BLNK: variants seen among roughly 807,000 people sequenced by gnomAD.
BLNK encodes the protein B-cell linker protein.
Under a neutral mutation model 73.5 loss-of-function variants are expected in BLNK, and 29 were observed. The ratio of observed to expected loss-of-function variants is 0.39; its 90% confidence interval spans 0.29 to 0.54. The LOEUF is 0.54. BLNK is among the 20% of genes least tolerant of loss of function. The pLI, the probability that BLNK is intolerant of heterozygous loss-of-function variation, is 0.61. For missense variants in BLNK, 460 were observed against 562.8 expected (o/e 0.82, Z 1.85); for synonymous variants, 176 against 200.8 (o/e 0.88, Z 1.04).
chr10:96,215,525 C>G (rs2084045681), intron 7 of BLNK, 136 bp from the exon 8 acceptor site: 2 of 688,718 alleles, frequency 2.9e-6, no homozygotes, highest in African/African-American at 1.8e-5. Context: ...ATGGGAGACA[C>G]CCTTATTAGA....
chr10:96,242,593 T>C, intron 3 of BLNK, 142 bp downstream of exon 3: 1 of 852,694 alleles, frequency 1.2e-6, no homozygotes, highest in South Asian at 1.4e-5. Context: ...AAATGCCTAA[T>C]AGATTTAGTC....
intron 8 of BLNK, among the ~76,000 whole-genome samples, chr10:96,213,048 G>T (rs1017594302): frequency 6.6e-6 from 1 of 152,140 alleles, no homozygotes; most frequent in Non-Finnish European, 1.5e-5. Context: ...GCTATACCAG[G>T]TTAATAGCAA....
chr10:96,191,934 A>G lies in BLNK; in HGVS notation c.*39T>C, dbSNP rs1554893520. On this transcript the variant is annotated 3_prime_UTR_variant, in exon 17 of 17. Transcript: ENST00000224337. ...TTCTCAAAAGGAGAAACTTTGGGAA[A>G]GTGTCTGAAGCAATGGTATTGATCT... 1.9e-6 allele frequency: 3 copies of G among 1,612,458 alleles called. No individual in the cohort carries two copies. In the South Asian group the frequency reaches 3.3e-5, roughly 18 times the overall value.
chr10:96,229,453 A>G (rs1842410431), intron 4 of BLNK, among the ~76,000 whole-genome samples: 2 of 152,296 alleles, frequency 1.3e-5, no homozygotes. Context: ...CTGTGAGTGA[A>G]TGCTTACTCA....
At position 96,189,692 on chromosome 10, in the gene BLNK, C is replaced by T. The variant is rs1300861873; in HGVS notation, c.*2281G>A. On this transcript the variant is annotated 3_prime_UTR_variant, in exon 17 of 17. Transcript: ENST00000224337. ...GGTGCTTTTTCTTCAGTTTCCTCATCATCAAAATCATCATCATCATCATCA... is the reference window on the plus strand; with the variant it reads ...GGTGCTTTTTCTTCAGTTTCCTCATTATCAAAATCATCATCATCATCATCA... 8.5e-6 allele frequency: 6 copies of T among 703,298 alleles called. No homozygotes were observed. The highest frequency in any genetic ancestry group is 2.7e-5 in the East Asian group (1 of 37,410). The allele number at this position is 703,298 out of a possible 1,614,324, so 43.6% of individuals were successfully genotyped here. A position where few individuals can be genotyped will look rare whatever the true frequency, so the allele number is the denominator to read the frequency against.
At chr10:96,260,102 C>T (rs1034799422) in intron 1 of BLNK, among the ~76,000 whole-genome samples, 2 of 152,158 alleles carry the variant, frequency 1.3e-5, no homozygotes, top group Non-Finnish European at 2.9e-5. Flanking sequence ...GGACTCTGCT[C>T]TCACCACCCA....
chr10:96,204,764 A>T, intron 11 of BLNK, 148 bp from the exon 12 acceptor site: 1 of 715,618 alleles, frequency 1.4e-6, no homozygotes, highest in African/African-American at 1.7e-5. Context: ...GGATCTGTGC[A>T]CTTGCCAGTC....
At chr10:96,217,601 A>G (rs1295370184) in intron 6 of BLNK, among the ~76,000 whole-genome samples, 1 of 152,038 alleles carries the variant, frequency 6.6e-6, no homozygotes, top group Non-Finnish European at 1.5e-5. Context: ...CAATTTTTGT[A>G]TATTCTTTGG....
At chr10:96,236,569 C>T (rs1195593781) in intron 3 of BLNK, among the ~76,000 whole-genome samples, 1 of 152,196 alleles carries the variant, frequency 6.6e-6, no homozygotes, top group African/African-American at 2.4e-5. Context: ...CACCTGTAAT[C>T]CCAGCACTTT....
At chr10:96,239,358 A>G (rs1276648188) in intron 3 of BLNK, among the ~76,000 whole-genome samples, 1 of 152,234 alleles carries the variant, frequency 6.6e-6, no homozygotes, top group Non-Finnish European at 1.5e-5. Context: ...CCTGCATAAT[A>G]TAGATGAGGA....
chr10:96,209,421 G>A (rs2083897054), intron 9 of BLNK, among the ~76,000 whole-genome samples: 1 of 151,892 alleles, frequency 6.6e-6, no homozygotes, highest in African/African-American at 2.4e-5. Flanking sequence ...TATTTGAGAT[G>A]GAGTCTTGCT....
chr10:96,196,442 A>G (rs149601722), intron 16 of BLNK, among the ~76,000 whole-genome samples: 12 of 152,306 alleles, frequency 7.9e-5, no homozygotes, highest in Admixed American at 3.3e-4. Flanking sequence ...CTCCAGGCCC[A>G]TAAGCTCATT....
At position 96,204,592 on chromosome 10, in the gene BLNK, T is replaced by C. The variant is rs782647585; in HGVS notation, c.842A>G (p.His281Arg). Residue 281 changes from histidine (H) to arginine (R), a missense_variant, in exon 12 of 17, where the codon CAC becomes CGC. Around this residue, in one of 3 missense-constraint regions of BLNK, gnomAD observed 233 missense variants for 232.1 expected, o/e 1.00. Transcript: ENST00000224337. ...TTCTTGTCTGTGACTTGACCCTCGG[T>C]GGCGTTCAGCAGGTATAGGTTTTTC... ...CEEKPIPAER[H>R]RGSSHRQEAV... 11 of 1,614,056 alleles carry C rather than the reference T, an allele frequency of 6.8e-6. No individual in the cohort carries two copies. The highest frequency in any genetic ancestry group is 5.1e-6 in the Non-Finnish European group (6 of 1,179,934).
At chr10:96,197,832 C>T (rs1591294108) in intron 15 of BLNK, among the ~76,000 whole-genome samples, 1 of 150,900 alleles carries the variant, frequency 6.6e-6, no homozygotes, top group Non-Finnish European at 1.5e-5. Context: ...AGAAGAATGG[C>T]GTGAACCCAG....
At chr10:96,258,509 C>T (rs1225093736) in intron 1 of BLNK, among the ~76,000 whole-genome samples, 1 of 152,146 alleles carries the variant, frequency 6.6e-6, no homozygotes, top group African/African-American at 2.4e-5. Flanking sequence ...TGTGATTGCC[C>T]TGAGATTAAT....
At chr10:96,222,484 T>C (rs10491067) in intron 6 of BLNK, among the ~76,000 whole-genome samples, 26,579 of 152,142 alleles carry the variant, frequency 0.17, 3,032 homozygotes, top group Non-Finnish European at 0.25. Context: ...CTTGGATGAG[T>C]TTACCTATTC....
intron 6 of BLNK, among the ~76,000 whole-genome samples, chr10:96,217,491 A>G (rs2084094737): frequency 6.6e-6 from 1 of 152,158 alleles, no homozygotes; most frequent in African/African-American, 2.4e-5. Flanking sequence ...CCTTTTTATT[A>G]CAGCCATCCT....
At chr10:96,223,760 C>T in intron 6 of BLNK, 66 bp downstream of exon 6, 1 of 1,581,104 alleles carries the variant, frequency 6.3e-7, no homozygotes, top group Non-Finnish European at 8.7e-7. Context: ...AGCGGGCAGG[C>T]TGTCCTGGTC....
intron 5 of BLNK, among the ~76,000 whole-genome samples, chr10:96,226,827 C>A (rs1481956424): frequency 2.0e-5 from 3 of 151,534 alleles, no homozygotes; most frequent in Admixed American, 2.0e-4. Context: ...CAGAGTGAGA[C>A]TCTGTCGCAA....
Sources: gnomAD v4.1 joint callset for allele counts (sites outside exome capture counted in the v4.1 genomes callset) on GRCh38, gnomAD v4.1.1 for gene constraint, gnomAD v4.1.1 regional missense constraint, MANE v1.5 for transcripts, NCBI Gene and HGNC (gene_info 2026-07-23, HGNC 2026-07-21) for gene names.